ROBO2: variants seen among roughly 807,000 people sequenced by gnomAD.
The protein encoded by ROBO2 is roundabout homolog 2.
Under a neutral mutation model 160.8 loss-of-function variants are expected in ROBO2, and 53 were observed. The observed-to-expected ratio is 0.33, with a 90% CI of 0.26 to 0.41. ROBO2 has a LOEUF of 0.41. ROBO2 is among the 10% of genes least tolerant of loss of function. The pLI is 1.00. For synonymous variants in ROBO2, 664 were observed against 611.7 expected, an observed-to-expected ratio of 1.09 and a Z score of -1.26; for missense variants, 1,577 against 1,722.4, an observed-to-expected ratio of 0.92 and a Z score of 1.49.
chr3:76,231,223 C>T (rs1576006687), intron 2 of ROBO2, among the ~76,000 whole-genome samples: 1 of 152,258 alleles, frequency 6.6e-6, no homozygotes, highest in African/African-American at 2.4e-5. Context: ...AGTTTCTCAG[C>T]GTAATACATG....
In ROBO2 at chr3:77,514,520, T is replaced by G. The variant is rs2089784243; in HGVS notation, c.807-8255T>G. ...TGCTGCTGTTTGTTAGAAAAATAAATGTACTTATAAAGAGTTCCAGTCACT... is the reference window on the plus strand; with the variant it reads ...TGCTGCTGTTTGTTAGAAAAATAAAGGTACTTATAAAGAGTTCCAGTCACT... On this transcript the variant is annotated intron_variant, in intron 5 of 25. Coordinates refer to ENST00000461745, the Ensembl canonical transcript of ROBO2. 2.6e-5 allele frequency among the ~76,000 whole-genome samples: 4 copies of G among 151,738 alleles called. No homozygotes were observed. In the South Asian group the frequency reaches 8.3e-4, roughly 31 times the overall value.
chr3:76,821,767 T>A (rs1277753920), intron 2 of ROBO2, among the ~76,000 whole-genome samples: 1 of 151,996 alleles, frequency 6.6e-6, no homozygotes, highest in African/African-American at 2.4e-5. Context: ...AGAGGGGCAA[T>A]AGACATGTTC....
intron 2 of ROBO2, among the ~76,000 whole-genome samples, chr3:76,555,443 A>G (rs113221991): frequency 0.28 from 38,556 of 138,322 alleles, 6,945 homozygotes; most frequent in Middle Eastern, 0.43. Flanking sequence ...GAAGGGGAAG[A>G]GGAAGAGGAA....
In ROBO2 at chr3:76,434,585, A is replaced by G. The variant is rs373632011; in HGVS notation, c.109+496983A>G. 97 of 1,583,192 alleles carry G rather than the reference A, an allele frequency of 6.1e-5. No homozygotes were observed. In the Middle Eastern group the frequency reaches 9.8e-4, roughly 16 times the overall value. On this transcript the variant is annotated intron_variant, in intron 2 of 26. Coordinates refer to the ROBO2 transcript ENST00000487694. ...TATACGGACAGAGCTGCAGGCTTAC[A>G]TTAAGGAGTTCCATACCACTGGACT...
At chr3:76,640,587 T>TGTG (rs1560287534) in intron 2 of ROBO2, among the ~76,000 whole-genome samples, 5 of 55,328 alleles carry the variant, frequency 9.0e-5, no homozygotes, top group African/African-American at 2.6e-4. Flanking sequence ...CAATGCGTGT[T>TGTG]TGCGTGTGAG....
intron 6 of ROBO2, among the ~76,000 whole-genome samples, chr3:77,531,600 C>T (rs1461321645): frequency 1.3e-5 from 2 of 151,626 alleles, no homozygotes; most frequent in Non-Finnish European, 2.9e-5. Flanking sequence ...TCTGACATTA[C>T]TTGAAGAATA....
At chr3:76,652,226 G>A (rs971195008) in intron 2 of ROBO2, among the ~76,000 whole-genome samples, 8 of 152,182 alleles carry the variant, frequency 5.3e-5, no homozygotes, top group African/African-American at 1.9e-4. Context: ...GGTAGTAGCT[G>A]TACCCACAAA....
chr3:76,589,936 A>G (rs2086307180), intron 2 of ROBO2, among the ~76,000 whole-genome samples: 1 of 152,190 alleles, frequency 6.6e-6, no homozygotes. Context: ...AGAATTTCTG[A>G]TCCTCCACCT....
chr3:77,410,522 CTCCTCT>C (rs2076626425), intron 2 of ROBO2, among the ~76,000 whole-genome samples: 1 of 149,242 alleles, frequency 6.7e-6, no homozygotes, highest in Admixed American at 6.7e-5. Context: ...CTTCCTCCTC[CTCCTCT>C]TCCTCCTCCT....
At chr3:77,290,410 AC>A in intron 2 of ROBO2, among the ~76,000 whole-genome samples, 1 of 44,734 alleles carries the variant, frequency 2.2e-5, no homozygotes, top group South Asian at 1.3e-3. Context: ...TGACGGTTAA[AC>A]GGGTAAGCTG....
At chr3:77,369,633 G>A (rs2153475661) in intron 2 of ROBO2, among the ~76,000 whole-genome samples, 1 of 152,270 alleles carries the variant, frequency 6.6e-6, no homozygotes, top group Middle Eastern at 3.4e-3. Flanking sequence ...GAAATAAGGG[G>A]ATAATTTGTG....
intron 2 of ROBO2, among the ~76,000 whole-genome samples, chr3:76,630,813 T>C (rs555100944): frequency 6.6e-6 from 1 of 152,336 alleles, no homozygotes; most frequent in Admixed American, 6.5e-5. Flanking sequence ...CAGCTAAATC[T>C]ACCTCTCTAT....
At chr3:76,115,271 C>G (rs975431226) in intron 2 of ROBO2, among the ~76,000 whole-genome samples, 10 of 152,060 alleles carry the variant, frequency 6.6e-5, no homozygotes, top group African/African-American at 1.7e-4. Flanking sequence ...ACCATAGGCA[C>G]CAATTCGAAT....
intron 2 of ROBO2, among the ~76,000 whole-genome samples, chr3:76,959,376 C>G (rs1391784173): frequency 2.0e-5 from 3 of 152,158 alleles, no homozygotes; most frequent in Admixed American, 1.3e-4. Context: ...TATCCTCTGG[C>G]AAAATTCGGA....
chr3:76,318,143 T>A (rs931359244), intron 2 of ROBO2, among the ~76,000 whole-genome samples: 1 of 152,164 alleles, frequency 6.6e-6, no homozygotes, highest in Non-Finnish European at 1.5e-5. Context: ...AGAGTTTTGA[T>A]GTATTCTTCA....
intron 2 of ROBO2, among the ~76,000 whole-genome samples, chr3:77,270,748 G>T (rs561158656): frequency 2.7e-3 from 417 of 152,200 alleles, no homozygotes; most frequent in Non-Finnish European, 4.2e-3. Flanking sequence ...TTCGAGACCA[G>T]CCTGGCCAAC....
At chr3:77,492,129 T>C (rs2086204255) in intron 4 of ROBO2, among the ~76,000 whole-genome samples, 1 of 152,214 alleles carries the variant, frequency 6.6e-6, no homozygotes, top group Non-Finnish European at 1.5e-5. Context: ...GCTAAATATG[T>C]CCAGATGGCC....
At chr3:76,015,822 A>G (rs1197263938) in intron 2 of ROBO2, among the ~76,000 whole-genome samples, 1 of 152,250 alleles carries the variant, frequency 6.6e-6, no homozygotes, top group Non-Finnish European at 1.5e-5. Context: ...AGAACAAGCC[A>G]TTCTTAGTCA....
Position 76,297,193 on chromosome 3 carries a change from A to G in ROBO2, c.109+359591A>G, listed in dbSNP as rs573066987. 3.3e-4 allele frequency among the ~76,000 whole-genome samples: 50 copies of G among 152,358 alleles called. 1 individual carries two copies. The highest frequency in any genetic ancestry group is 1.2e-3 in the African/African-American group (49 of 41,592). On this transcript the variant is annotated intron_variant, in intron 2 of 26. Transcript: ENST00000487694. ...CTAATGTTATGGAGAAAATGCAGACAGCTCTCCTTTTACAGATAAGGAAAT... is the reference window on the plus strand; with the variant it reads ...CTAATGTTATGGAGAAAATGCAGACGGCTCTCCTTTTACAGATAAGGAAAT...
Sources: allele counts gnomAD v4.1 joint callset (sites outside exome capture counted in the v4.1 genomes callset), GRCh38; gene constraint gnomAD v4.1.1; transcripts MANE v1.5; gene names NCBI Gene and HGNC (gene_info 2026-07-23, HGNC 2026-07-21).